Variants in PLLP observed in about 807,000 individuals in gnomAD.
PLLP encodes plasmolipin.
PLLP carries 15 observed loss-of-function variants against 19.7 expected under a neutral mutation model. The ratio of observed to expected loss-of-function variants is 0.76; its 90% confidence interval spans 0.51 to 1.17. The LOEUF is 1.17. Ranked by LOEUF, PLLP falls within the 50% of genes most tolerant of loss-of-function variation. The probability of loss-of-function intolerance (pLI) is 0.00; values close to 1 mark genes in which losing one functional copy is unlikely to be tolerated. For synonymous variants in PLLP, 111 were observed against 116.3 expected (o/e 0.95, Z 0.29); for missense variants, 255 against 258.3 (o/e 0.99, Z 0.09).
intron 1 of PLLP, 99 bp from the exon 2 acceptor site, chr16:57,262,169 G>T: frequency 8.3e-7 from 1 of 1,208,184 alleles, no homozygotes; most frequent in South Asian, 1.3e-5. Flanking sequence ...TGCCTGTAAT[G>T]TCAGCACTTT....
chr16:57,263,533 G>A (rs372404225), intron 1 of PLLP, among the ~76,000 whole-genome samples: 6 of 152,272 alleles, frequency 3.9e-5, no homozygotes, highest in Admixed American at 1.3e-4. Flanking sequence ...CCACAAGCCC[G>A]AACTGGACTG....
chr16:57,280,414 A>G (rs772760313), intron 1 of PLLP, among the ~76,000 whole-genome samples: 2 of 152,128 alleles, frequency 1.3e-5, no homozygotes, highest in Non-Finnish European at 2.9e-5. Context: ...AGGCTTTGGG[A>G]GCTCCCCATA....
intron 1 of PLLP, among the ~76,000 whole-genome samples, chr16:57,264,784 G>A (rs1276809244): frequency 6.6e-6 from 1 of 152,182 alleles, no homozygotes; most frequent in East Asian, 1.9e-4. Context: ...GGGAGGTTGA[G>A]GCTACAGTGA....
At chr16:57,282,093 C>T (rs1021153078) in intron 1 of PLLP, among the ~76,000 whole-genome samples, 3 of 152,176 alleles carry the variant, frequency 2.0e-5, no homozygotes, top group African/African-American at 7.2e-5. Context: ...ATCCCAACCC[C>T]AATCAGGAAC....
chr16:57,274,511 T>G (rs11645157), intron 1 of PLLP, among the ~76,000 whole-genome samples: 77,045 of 150,040 alleles, frequency 0.51, 19,901 homozygotes, highest in South Asian at 0.71. Context: ...GGAGTGCAGT[T>G]GCACAATCTT....
intron 3 of PLLP, among the ~76,000 whole-genome samples, chr16:57,258,031 A>C (rs527594902): frequency 2.6e-5 from 4 of 152,118 alleles, no homozygotes. Flanking sequence ...AAATACAAAA[A>C]TTAGCCAGGC....
At chr16:57,262,184 G>A in intron 1 of PLLP, 114 bp from the exon 2 acceptor site, 20 of 994,222 alleles carry the variant, frequency 2.0e-5, no homozygotes, top group Non-Finnish European at 3.0e-5. Flanking sequence ...CACTTTGGGA[G>A]CCCAAGGTGT....
At chr16:57,259,659 A>G (rs1315229339) in intron 2 of PLLP, among the ~76,000 whole-genome samples, 1 of 152,224 alleles carries the variant, frequency 6.6e-6, no homozygotes, top group Non-Finnish European at 1.5e-5. Flanking sequence ...AAACCTGAAG[A>G]CTTCATGTAA....
intron 1 of PLLP, among the ~76,000 whole-genome samples, chr16:57,264,017 C>T (rs2075449725): frequency 6.6e-6 from 1 of 152,198 alleles, no homozygotes; most frequent in South Asian, 2.1e-4. Flanking sequence ...ACAGAAAGTC[C>T]TGGCTGCTCC....
chr16:57,282,810 G>C (rs1323924963), intron 1 of PLLP, among the ~76,000 whole-genome samples: 1 of 152,066 alleles, frequency 6.6e-6, no homozygotes, highest in Non-Finnish European at 1.5e-5. Flanking sequence ...CTTTCCCTGC[G>C]TCTGCCTCAG....
intron 1 of PLLP, among the ~76,000 whole-genome samples, chr16:57,272,237 G>A (rs1238446009): frequency 6.6e-6 from 1 of 152,212 alleles, no homozygotes; most frequent in Non-Finnish European, 1.5e-5. Context: ...GGTAAGGGTT[G>A]GGACCTGGAT....
intron 1 of PLLP, among the ~76,000 whole-genome samples, chr16:57,282,100 G>A (rs1302190730): frequency 6.6e-6 from 1 of 152,028 alleles, no homozygotes; most frequent in Non-Finnish European, 1.5e-5. Context: ...CCCCAATCAG[G>A]AACACAAGCC....
intron 1 of PLLP, among the ~76,000 whole-genome samples, chr16:57,271,744 A>G (rs1261322558): frequency 6.6e-6 from 1 of 152,012 alleles, no homozygotes; most frequent in African/African-American, 2.4e-5. Flanking sequence ...CTCTGGTCAG[A>G]TCAAGCAGGT....
At chr16:57,258,804 T>C (rs2075433780) in intron 2 of PLLP, among the ~76,000 whole-genome samples, 1 of 150,424 alleles carries the variant, frequency 6.6e-6, no homozygotes, top group African/African-American at 2.5e-5. Flanking sequence ...GCCTGTGATC[T>C]CAGCTACTTG....
In PLLP at chr16:57,256,316, G is replaced by T. The variant is rs1219897584; in HGVS notation, c.*597C>A. ...ACCTGGACAGGCTTTTCAGCACTGA[G>T]AAATCACTTAAAACTGATTTGCTTT... is the stretch of plus-strand genomic sequence containing the variant. On this transcript the variant is annotated 3_prime_UTR_variant, in exon 4 of 4. Transcript: ENST00000219207. 2.8e-6 allele frequency: 1 copy of T among 356,060 alleles called. No homozygotes were observed. The highest frequency in any genetic ancestry group is 5.0e-6 in the Non-Finnish European group (1 of 200,624). 22.1% of individuals were successfully genotyped at this position (356,060 alleles called of 1,614,324 possible).
At chr16:57,273,688 A>G (rs1411729307) in intron 1 of PLLP, among the ~76,000 whole-genome samples, 2 of 152,238 alleles carry the variant, frequency 1.3e-5, no homozygotes, top group African/African-American at 2.4e-5. Context: ...ATGGGAAATC[A>G]GGGTCCTAGT....
rs184785541 is a variant in PLLP, at chr16:57,256,546, G to A, written c.*367C>T. ...TAGGCTTATACTACGGCGGGTCTGGGGCTGCAGGTCTGGAGTCCTTGTTAG... is the reference window on the plus strand; with the variant it reads ...TAGGCTTATACTACGGCGGGTCTGGAGCTGCAGGTCTGGAGTCCTTGTTAG... On this transcript the variant is annotated 3_prime_UTR_variant, in exon 4 of 4. Transcript: ENST00000219207. 6.2e-4 allele frequency: 141 copies of A among 226,562 alleles called. 3 individuals are homozygous for A. In the East Asian group the frequency reaches 0.013, roughly 21 times the overall value. 14.0% of individuals were successfully genotyped at this position (226,562 alleles called of 1,614,324 possible).
intron 1 of PLLP, among the ~76,000 whole-genome samples, chr16:57,281,097 C>A (rs1359245017): frequency 4.6e-5 from 7 of 152,210 alleles, no homozygotes; most frequent in African/African-American, 1.7e-4. Context: ...GCACCTCTCT[C>A]ACTGACCAAG....
intron 1 of PLLP, among the ~76,000 whole-genome samples, chr16:57,268,596 TCCTC>T (rs1325267196): frequency 6.6e-6 from 1 of 152,180 alleles, no homozygotes; most frequent in Non-Finnish European, 1.5e-5. Context: ...GCTCAAGTGA[TCCTC>T]CCACCTCAGC....
Sources: allele counts gnomAD v4.1 joint callset (sites outside exome capture counted in the v4.1 genomes callset), GRCh38; gene constraint gnomAD v4.1.1; transcripts MANE v1.5; gene names NCBI Gene and HGNC (gene_info 2026-07-23, HGNC 2026-07-21).